EXD1: variants seen among roughly 807,000 people sequenced by gnomAD.
EXD1 encodes exonuclease 3'-5' domain containing 1.
In EXD1, 63 loss-of-function variants were observed where a neutral mutation model predicts 49.1. The ratio of observed to expected loss-of-function variants is 1.28; its 90% confidence interval spans 1.05 to 1.58. EXD1 has a LOEUF of 1.58. Among genes scored for constraint, EXD1 ranks in the 40% most tolerant of loss-of-function variants. The pLI is 0.00. For missense variants in EXD1, 748 were observed against 666.0 expected (o/e 1.12, Z -1.36); for synonymous variants, 234 against 239.2 (o/e 0.98, Z 0.20).
chr15:41,217,275 A>C, intron 3 of EXD1, 121 bp from the exon 4 acceptor site: 1 of 778,648 alleles, frequency 1.3e-6, no homozygotes, highest in Non-Finnish European at 2.1e-6. Context: ...ATGACATGTT[A>C]GTCCACGGAG....
intron 7 of EXD1, among the ~76,000 whole-genome samples, chr15:41,198,215 G>C (rs2046646113): frequency 6.6e-6 from 1 of 152,042 alleles, no homozygotes; most frequent in South Asian, 2.1e-4. Flanking sequence ...GGGGCTCCTA[G>C]ATGCTCCCAG....
chr15:41,224,882 G>A (rs1055263290), intron 2 of EXD1, among the ~76,000 whole-genome samples: 4 of 152,078 alleles, frequency 2.6e-5, no homozygotes, highest in Non-Finnish European at 5.9e-5. Context: ...AGGATCACTT[G>A]ACCCTGGGAA....
intron 6 of EXD1, among the ~76,000 whole-genome samples, chr15:41,213,501 T>TTTTTGTTTTGTGTTGTTTTGTTTTG (rs2046953657): frequency 6.7e-6 from 1 of 150,338 alleles, no homozygotes. Flanking sequence ...GTCCAGCCAG[T>TTTTTGTTTTGTGTTGTTTTGTTTTG]TTTTGTTTTG....
chr15:41,193,447 G>A (rs770317255), intron 9 of EXD1, among the ~76,000 whole-genome samples: 2 of 151,944 alleles, frequency 1.3e-5, no homozygotes, highest in Non-Finnish European at 2.9e-5. Context: ...TTTCTGGGGG[G>A]GAAAAAAATG....
intron 5 of EXD1, among the ~76,000 whole-genome samples, chr15:41,216,464 T>G (rs1478470082): frequency 1.3e-5 from 2 of 152,022 alleles, no homozygotes; most frequent in African/African-American, 2.4e-5. Context: ...AAACCCCGTC[T>G]CTACTAAAAA....
At chr15:41,199,722 T>TTATATATCTCATA (rs1391239565) in intron 7 of EXD1, among the ~76,000 whole-genome samples, 9 of 94,600 alleles carry the variant, frequency 9.5e-5, no homozygotes, top group Admixed American at 9.3e-4. Context: ...ATATGATATA[T>TTATATATCTCATA]TATATATGAT....
At chr15:41,216,166 CA>C (rs1403009333) in intron 5 of EXD1, among the ~76,000 whole-genome samples, 1 of 151,956 alleles carries the variant, frequency 6.6e-6, no homozygotes, top group Non-Finnish European at 1.5e-5. Context: ...ATTAAATAAA[CA>C]AATGAATCAC....
At position 41,183,980 on chromosome 15, in the gene EXD1, G is replaced by T; in HGVS notation, c.1670C>A (p.Ala557Asp). ...TATCCAGGAATCGATCTTCTCCAAG[G>T]CTGGACAGGGAGGGAGTGTGGAAAC... ...TVVSTLPPCP[A>D]LEKIDSWISP... The change falls in exon 12 of 12, where the codon GCC becomes GAC. Residue 557 changes from alanine to aspartate, a missense_variant. Ala to Asp is a moderately radical substitution (Grantham distance 126). Transcript: ENST00000458580. 1.9e-6 allele frequency: 3 copies of T among 1,612,784 alleles called. No homozygotes were observed. The highest frequency in any genetic ancestry group is 2.5e-6 in the Non-Finnish European group (3 of 1,179,344).
intron 2 of EXD1, among the ~76,000 whole-genome samples, chr15:41,222,865 G>T (rs1479526055): frequency 2.0e-5 from 3 of 148,532 alleles, no homozygotes; most frequent in Non-Finnish European, 4.4e-5. Flanking sequence ...GAACTCGGGA[G>T]GCAGAGGTTC....
chr15:41,202,848 G>A (rs1249031663), intron 7 of EXD1, among the ~76,000 whole-genome samples: 1 of 150,592 alleles, frequency 6.6e-6, no homozygotes, highest in East Asian at 2.0e-4. Flanking sequence ...AACTCAGGAG[G>A]CAGAGTTTGC....
chr15:41,227,115 T>C (rs8032335), intron 1 of EXD1, among the ~76,000 whole-genome samples: 1 of 152,318 alleles, frequency 6.6e-6, no homozygotes, highest in Admixed American at 6.5e-5. Context: ...CTGAAGCTGA[T>C]AATTTTAAGT....
At chr15:41,210,751 A>G (rs978767869) in intron 6 of EXD1, among the ~76,000 whole-genome samples, 1 of 152,132 alleles carries the variant, frequency 6.6e-6, no homozygotes, top group Non-Finnish European at 1.5e-5. Flanking sequence ...CTATTTCATT[A>G]TACAATTCTA....
intron 7 of EXD1, among the ~76,000 whole-genome samples, chr15:41,196,654 C>A (rs972776553): frequency 1.4e-5 from 2 of 145,154 alleles, no homozygotes; most frequent in Non-Finnish European, 3.0e-5. Context: ...TGGTCTCGAA[C>A]TCCTGACCTC....
intron 9 of EXD1, among the ~76,000 whole-genome samples, chr15:41,194,969 T>C (rs928138767): frequency 2.0e-5 from 3 of 152,148 alleles, no homozygotes; most frequent in Non-Finnish European, 4.4e-5. Context: ...ATTAGTTCAG[T>C]TTCTCTCCAA....
chr15:41,200,431 G>A (rs1381658157), intron 7 of EXD1, among the ~76,000 whole-genome samples: 1 of 152,164 alleles, frequency 6.6e-6, no homozygotes, highest in African/African-American at 2.4e-5. Flanking sequence ...GCTGAGACAG[G>A]AGAACTGCTT....
chr15:41,214,208 C>G (rs1278260409), intron 6 of EXD1, among the ~76,000 whole-genome samples: 1 of 151,872 alleles, frequency 6.6e-6, no homozygotes, highest in African/African-American at 2.4e-5. Flanking sequence ...AGCTAACTGT[C>G]CTTTTAAAAA....
Position 41,216,582 on chromosome 15 carries a change from G to A in EXD1, c.388+86C>T. 2.2e-6 allele frequency: 3 copies of A among 1,378,126 alleles called. No individual in the cohort carries two copies. In the South Asian group the frequency reaches 4.2e-5, roughly 19 times the overall value. 85.4% of individuals were successfully genotyped at this position (1,378,126 alleles called of 1,614,324 possible). ...GGAGGTGGAGGTTGCAGTGAGCCGA[G>A]ATCACGCCATTGCACTGCAGCCTGG... On this transcript the variant is annotated intron_variant, in intron 5 of 11. Coordinates refer to ENST00000458580, the MANE Select transcript of EXD1 (RefSeq NM_001286441.2).
chr15:41,226,654 G>A (rs2047168676), intron 1 of EXD1, 26 bp from the exon 2 acceptor site: 5 of 1,452,022 alleles, frequency 3.4e-6, no homozygotes, highest in Non-Finnish European at 4.5e-6. Context: ...AGAGATCTAT[G>A]AATTTTAAAA....
rs113643823 is a variant in EXD1, at chr15:41,183,460, T to TA, written c.*470dup. On this transcript the variant is annotated 3_prime_UTR_variant, in exon 12 of 12. Transcript: ENST00000458580. ...TGTAGCCCTGCTCCACAAGGAGCGG[T>TA]AAAAAAAAATAAATAAAACAAATAA... is the stretch of plus-strand genomic sequence containing the variant. 0.12 allele frequency: 18,475 copies of TA among 151,260 alleles called. 1,312 individuals carry two copies. The highest frequency in any genetic ancestry group is 0.27 in the South Asian group (1,289 of 4,788). 9.4% of individuals were successfully genotyped at this position (151,260 alleles called of 1,614,324 possible).
Sources: gnomAD v4.1 joint callset for allele counts (sites outside exome capture counted in the v4.1 genomes callset) on GRCh38, gnomAD v4.1.1 for gene constraint, MANE v1.5 for transcripts, NCBI Gene and HGNC (gene_info 2026-07-23, HGNC 2026-07-21) for gene names.